Variants in SLC2A13 observed in about 807,000 individuals in gnomAD.
SLC2A13 encodes the protein solute carrier family 2 member 13, also known as proton myo-inositol cotransporter.
A neutral mutation model predicts 64.4 loss-of-function variants in SLC2A13; 32 were observed. The ratio of observed to expected loss-of-function variants is 0.50; its 90% CI spans 0.37 to 0.67. The LOEUF (loss-of-function observed/expected upper bound fraction) is 0.67. Among genes scored for constraint, SLC2A13 ranks in the 30% least tolerant of loss-of-function variants. The probability of loss-of-function intolerance (pLI) is 0.00; values close to 1 mark genes in which losing one functional copy is unlikely to be tolerated. For synonymous variants in SLC2A13, 338 were observed against 327.1 expected (o/e 1.03, Z -0.36); for missense variants, 743 against 829.2 (o/e 0.90, Z 1.28).
intron 5 of SLC2A13, among the ~76,000 whole-genome samples, chr12:39,866,921 A>G (rs1943927035): frequency 6.6e-6 from 1 of 152,228 alleles, no homozygotes; most frequent in African/African-American, 2.4e-5. Context: ...TCAGAAGTCT[A>G]TTTTGCAAAA....
intron 4 of SLC2A13, among the ~76,000 whole-genome samples, chr12:39,926,601 T>C (rs1945734179): frequency 6.6e-6 from 1 of 152,092 alleles, no homozygotes; most frequent in Non-Finnish European, 1.5e-5. Flanking sequence ...ACAAACCAAA[T>C]ACAGTTCTAA....
chr12:39,932,877 T>TG (rs1945852383), intron 4 of SLC2A13, among the ~76,000 whole-genome samples: 1 of 92,084 alleles, frequency 1.1e-5, no homozygotes, highest in Non-Finnish European at 2.2e-5. Flanking sequence ...GGGATAAAGG[T>TG]GGGGGTGGGA....
At chr12:40,042,436 G>T (rs1181692527) in intron 2 of SLC2A13, among the ~76,000 whole-genome samples, 1 of 151,988 alleles carries the variant, frequency 6.6e-6, no homozygotes, top group Non-Finnish European at 1.5e-5. Flanking sequence ...TCCTAGGGAG[G>T]TATATTCTCT....
At chr12:39,982,479 T>C (rs1946926207) in intron 3 of SLC2A13, among the ~76,000 whole-genome samples, 1 of 151,302 alleles carries the variant, frequency 6.6e-6, no homozygotes, top group Non-Finnish European at 1.5e-5. Flanking sequence ...TTCAGCAAAG[T>C]CTCAGGATAC....
At chr12:39,829,430 A>G (rs1942793990) in intron 7 of SLC2A13, 2 of 51,678 alleles carry the variant, frequency 3.9e-5, no homozygotes, top group South Asian at 6.8e-4. Flanking sequence ...TTTTTGAGGC[A>G]GAGTCTTGCT....
Position 40,028,831 on chromosome 12 carries a change from T to G in SLC2A13, c.717-322A>C, listed in dbSNP as rs1212556803. On this transcript the variant is annotated intron_variant, in intron 2 of 9. Transcript: ENST00000280871. ...CAAAACATCATAATCACCATTCCTA[T>G]GTAAGGCTAACATATGTAATTTTGT... Among the ~76,000 whole-genome samples the G allele has an allele frequency of 2.0e-5, 3 of 152,236 alleles. No individual in the cohort carries two copies. The East Asian group carries it at 5.8e-4, about 29-fold the overall frequency.
intron 4 of SLC2A13, among the ~76,000 whole-genome samples, chr12:39,928,581 C>T (rs11174333): frequency 0.02 from 2,985 of 152,282 alleles, 86 homozygotes; most frequent in African/African-American, 0.066. Context: ...AAAAGCATTT[C>T]AGTTACAAAC....
chr12:40,011,823 AAT>A (rs1181481425), intron 3 of SLC2A13, among the ~76,000 whole-genome samples: 2 of 152,184 alleles, frequency 1.3e-5, no homozygotes, highest in Non-Finnish European at 2.9e-5. Context: ...GCAAAATGAA[AAT>A]GTGAGTCCCG....
Position 39,959,289 on chromosome 12 carries a change from T to A in SLC2A13, c.926-7924A>T, listed in dbSNP as rs993158743. ...GAATGGACTGCTGCTATTGATGAAT[T>A]CAACCCCATGTGGTTCAATCATTCT... On this transcript the variant is annotated intron_variant, in intron 3 of 9. Coordinates refer to ENST00000280871, the MANE Select transcript of SLC2A13 (RefSeq NM_052885.4). 7.9e-5 allele frequency among the ~76,000 whole-genome samples: 12 copies of A among 152,356 alleles called. No individual in the cohort carries two copies. In the Middle Eastern group the frequency reaches 0.017, roughly 216 times the overall value.
chr12:39,861,134 C>T (rs1358125158), intron 6 of SLC2A13, among the ~76,000 whole-genome samples: 1 of 152,190 alleles, frequency 6.6e-6, no homozygotes, highest in African/African-American at 2.4e-5. Flanking sequence ...GTGTGACATA[C>T]TCCACTCTTC....
chr12:40,022,774 G>T (rs1947741931), intron 3 of SLC2A13, among the ~76,000 whole-genome samples: 1 of 151,612 alleles, frequency 6.6e-6, no homozygotes, highest in South Asian at 2.1e-4. Context: ...GGAGGCAGAG[G>T]TTGCAAAGAG....
At chr12:40,075,241 C>T (rs1938124209) in intron 1 of SLC2A13, among the ~76,000 whole-genome samples, 1 of 152,160 alleles carries the variant, frequency 6.6e-6, no homozygotes, top group African/African-American at 2.4e-5. Flanking sequence ...CTAGGTCCTC[C>T]TGGAGTTTTT....
intron 3 of SLC2A13, among the ~76,000 whole-genome samples, chr12:39,966,071 C>T (rs893718542): frequency 6.6e-6 from 1 of 151,328 alleles, no homozygotes. Context: ...ATATGATACA[C>T]ACACATATAT....
intron 4 of SLC2A13, among the ~76,000 whole-genome samples, chr12:39,905,642 A>G (rs186264987): frequency 7.4e-4 from 112 of 152,196 alleles, no homozygotes; most frequent in African/African-American, 2.6e-3. Flanking sequence ...TTAATATAGG[A>G]TGCTATCCTT....
At chr12:39,899,359 A>G (rs887017172) in intron 4 of SLC2A13, among the ~76,000 whole-genome samples, 3 of 151,708 alleles carry the variant, frequency 2.0e-5, no homozygotes, top group South Asian at 2.1e-4. Flanking sequence ...CATCTATTTG[A>G]TTCTCCTCTC....
chr12:40,068,247 T>G (rs1937814875), intron 1 of SLC2A13: 1 of 331,816 alleles, frequency 3.0e-6, no homozygotes, highest in African/African-American at 2.3e-5. Flanking sequence ...CTTGGTTTAC[T>G]TTTCACCAGT....
chr12:39,975,675 C>A (rs948840299), intron 3 of SLC2A13, among the ~76,000 whole-genome samples: 1 of 152,208 alleles, frequency 6.6e-6, no homozygotes, highest in African/African-American at 2.4e-5. Flanking sequence ...AGCCACCTGT[C>A]TGGAGGAAGA....
chr12:39,782,315 C>A (rs2135744066), intron 7 of SLC2A13, among the ~76,000 whole-genome samples: 1 of 152,102 alleles, frequency 6.6e-6, no homozygotes, highest in Middle Eastern at 3.4e-3. Context: ...GTGGAAGGTA[C>A]CCAGGGGGAG....
intron 7 of SLC2A13, among the ~76,000 whole-genome samples, chr12:39,787,699 A>G (rs1176415196): frequency 6.6e-6 from 1 of 152,166 alleles, no homozygotes; most frequent in African/African-American, 2.4e-5. Context: ...TTAGCATGCA[A>G]ATGAATAAAT....
Sources: allele counts gnomAD v4.1 joint callset (sites outside exome capture counted in the v4.1 genomes callset), GRCh38; gene constraint gnomAD v4.1.1; transcripts MANE v1.5; gene names NCBI Gene and HGNC (gene_info 2026-07-23, HGNC 2026-07-21).